The following FBXW7 variants were observed in gnomAD, a reference collection of about 807,000 sequenced individuals.
The protein encoded by FBXW7 is F-box and WD repeat domain containing 7, also known as F-box/WD repeat-containing protein 7.
FBXW7 carries 11 observed loss-of-function variants against 86.3 expected under a neutral mutation model. The ratio of observed to expected loss-of-function variants is 0.13; its 90% CI spans 0.08 to 0.21. The LOEUF (loss-of-function observed/expected upper bound fraction) is 0.21, where lower values mean the gene tolerates loss of function less well. FBXW7 is among the 10% of genes least tolerant of loss of function. FBXW7 has a pLI of 1.00. For synonymous variants in FBXW7, 313 were observed against 297.9 expected, an observed-to-expected ratio of 1.05 and a Z score of -0.52; for missense variants, 488 against 847.4, an observed-to-expected ratio of 0.58 and a Z score of 5.27.
At position 152,320,888 on chromosome 4, in the gene FBXW7, C is replaced by T. The variant is rs946843329; in HGVS notation, c.*1993G>A. On this transcript the variant is annotated 3_prime_UTR_variant, in exon 14 of 14. Transcript: ENST00000281708. ...TTAAGAGAGAATGAACAGAAAGTAT[C>T]GAGGGTAAGCACTTAATATGTGGTC... 1 of 152,088 alleles carries T rather than the reference C, an allele frequency of 6.6e-6. No individual in the cohort carries two copies. Among genetic ancestry groups the T allele is most frequent in the African/African-American group, 2.4e-5 (1 of 41,400 alleles). 9.4% of individuals were successfully genotyped at this position (152,088 alleles called of 1,614,324 possible). A position where few individuals can be genotyped will look rare whatever the true frequency, so the allele number is the denominator to read the frequency against.
At chr4:152,502,507 T>C (rs1052706152) in intron 2 of FBXW7, among the ~76,000 whole-genome samples, 3 of 152,174 alleles carry the variant, frequency 2.0e-5, no homozygotes, top group Non-Finnish European at 4.4e-5. Flanking sequence ...GTTGCAGTGA[T>C]GCCTATGTAA....
intron 2 of FBXW7, among the ~76,000 whole-genome samples, chr4:152,481,496 T>C (rs183494573): frequency 1.3e-5 from 2 of 152,334 alleles, no homozygotes; most frequent in Admixed American, 1.3e-4. Flanking sequence ...TCAAATCTTA[T>C]TATTTAAGAA....
chr4:152,459,649 T>C (rs1516820), intron 2 of FBXW7, among the ~76,000 whole-genome samples: 72,394 of 152,020 alleles, frequency 0.48, 20,506 homozygotes, highest in African/African-American at 0.79. Context: ...GACCCCCCAG[T>C]GGATGCTTGA....
At chr4:152,457,643 C>CA (rs769232533) in intron 2 of FBXW7, among the ~76,000 whole-genome samples, 3,369 of 56,634 alleles carry the variant, frequency 0.059, 143 homozygotes, top group East Asian at 0.11. Context: ...GACTCTGTCT[C>CA]AAAAAAAAAA....
At chr4:152,489,588 T>C (rs920128798) in intron 2 of FBXW7, among the ~76,000 whole-genome samples, 3 of 152,150 alleles carry the variant, frequency 2.0e-5, no homozygotes, top group Admixed American at 1.3e-4. Flanking sequence ...TTTAAACCTC[T>C]TCAAAGTATT....
chr4:152,536,024 C>T lies in FBXW7; in HGVS notation c.-1110G>A, dbSNP rs908022623. On this transcript the variant is annotated 5_prime_UTR_variant, in exon 1 of 14. Coordinates refer to ENST00000281708, the MANE Select transcript of FBXW7 (RefSeq NM_001349798.2). ...GCGGCGGCGGCGGCGGCAGCGGCAGCGGCAGCGCCCGGAGCTCAGCTCGCT... is the reference window on the plus strand; with the variant it reads ...GCGGCGGCGGCGGCGGCAGCGGCAGTGGCAGCGCCCGGAGCTCAGCTCGCT... 3 of 218,900 alleles carry T rather than the reference C, an allele frequency of 1.4e-5. No individual in the cohort carries two copies. The highest frequency in any genetic ancestry group is 7.7e-5 in the South Asian group (1 of 13,012). The allele number at this position is 218,900 out of a possible 1,614,324, so 13.6% of individuals were successfully genotyped here.
intron 2 of FBXW7, among the ~76,000 whole-genome samples, chr4:152,481,488 A>C (rs749826491): frequency 6.6e-5 from 10 of 152,222 alleles, no homozygotes; most frequent in Non-Finnish European, 1.3e-4. Context: ...TTTGACTTTC[A>C]AATCTTATTA....
chr4:152,455,990 A>T (rs1304632150), intron 2 of FBXW7, among the ~76,000 whole-genome samples: 1 of 152,188 alleles, frequency 6.6e-6, no homozygotes, highest in Non-Finnish European at 1.5e-5. Context: ...GGATATGGAC[A>T]TCTTTCAGGG....
intron 2 of FBXW7, among the ~76,000 whole-genome samples, chr4:152,421,795 A>G (rs1044646504): frequency 2.0e-5 from 3 of 152,184 alleles, no homozygotes; most frequent in African/African-American, 7.2e-5. Context: ...CTGAGAAAAG[A>G]GAGATGGGAA....
At chr4:152,386,118 T>C (rs750686611) in intron 4 of FBXW7, among the ~76,000 whole-genome samples, 4 of 152,040 alleles carry the variant, frequency 2.6e-5, no homozygotes, top group Non-Finnish European at 5.9e-5. Context: ...CAAGAAAAGA[T>C]AAAGTCTGAG....
intron 2 of FBXW7, among the ~76,000 whole-genome samples, chr4:152,413,219 C>G (rs1738131883): frequency 6.6e-6 from 1 of 151,996 alleles, no homozygotes; most frequent in South Asian, 2.1e-4. Context: ...TGAGGAAGGT[C>G]TTTTATTTCT....
At chr4:152,352,787 A>T (rs906047610) in intron 4 of FBXW7, 26 of 1,594,024 alleles carry the variant, frequency 1.6e-5, no homozygotes, top group Non-Finnish European at 2.0e-5. Flanking sequence ...AGAACGGAGA[A>T]GATTATTGGA....
At chr4:152,504,665 G>A (rs1025908373) in intron 2 of FBXW7, among the ~76,000 whole-genome samples, 16 of 152,086 alleles carry the variant, frequency 1.1e-4, no homozygotes, top group Non-Finnish European at 1.2e-4. Flanking sequence ...TGTCTGAAAC[G>A]ATTTAGATAT....
At chr4:152,505,585 C>G (rs1747343255) in intron 2 of FBXW7, among the ~76,000 whole-genome samples, 1 of 152,020 alleles carries the variant, frequency 6.6e-6, no homozygotes, top group Non-Finnish European at 1.5e-5. Flanking sequence ...CAAGCCTACA[C>G]AGGATTAGGA....
chr4:152,352,712 C>A (rs769440546), intron 4 of FBXW7: 13 of 1,613,748 alleles, frequency 8.1e-6, no homozygotes, highest in Non-Finnish European at 1.1e-5. Flanking sequence ...AGTATCAAAC[C>A]GCTTCTCGGG....
At chr4:152,325,782 A>G (rs1728961485) in intron 12 of FBXW7, 1 of 470,306 alleles carries the variant, frequency 2.1e-6, no homozygotes, top group Non-Finnish European at 3.8e-6. Context: ...CAAAACAAAT[A>G]TTTGTATTTA....
chr4:152,372,023 T>C (rs1367323280), intron 4 of FBXW7, among the ~76,000 whole-genome samples: 1 of 151,870 alleles, frequency 6.6e-6, no homozygotes, highest in Non-Finnish European at 1.5e-5. Flanking sequence ...TAATTTCCCA[T>C]GGAAATACTG....
chr4:152,389,280 T>C (rs1422336868), intron 4 of FBXW7, among the ~76,000 whole-genome samples: 1 of 152,086 alleles, frequency 6.6e-6, no homozygotes, highest in African/African-American at 2.4e-5. Flanking sequence ...ATCCCACTAC[T>C]GGGCATCTAC....
At chr4:152,453,116 G>A (rs1287419732) in intron 2 of FBXW7, among the ~76,000 whole-genome samples, 3 of 152,118 alleles carry the variant, frequency 2.0e-5, no homozygotes, top group East Asian at 1.9e-4. Flanking sequence ...CCTGGGAGGC[G>A]GAGGTTGCAG....
Sources: gnomAD v4.1 joint callset for allele counts (sites outside exome capture counted in the v4.1 genomes callset) on GRCh38, gnomAD v4.1.1 for gene constraint, MANE v1.5 for transcripts, NCBI Gene and HGNC (gene_info 2026-07-23, HGNC 2026-07-21) for gene names.